TXNRD3: variants seen among roughly 807,000 people sequenced by gnomAD.
TXNRD3 encodes TXNRD3 neighbor gene protein.
A neutral mutation model predicts 78.2 loss-of-function variants in TXNRD3; 68 were observed. The ratio of observed to expected loss-of-function variants is 0.87; its 90% CI spans 0.72 to 1.06. The LOEUF (loss-of-function observed/expected upper bound fraction) is 1.06. Among genes scored for constraint, TXNRD3 ranks in the 50% least tolerant of loss-of-function variants. TXNRD3 has a pLI of 0.00. For missense variants in TXNRD3, 751 were observed against 809.5 expected (o/e 0.93, Z 0.88); for synonymous variants, 296 against 300.1 (o/e 0.99, Z 0.14).
At chr3:126,649,643 A>T (rs1017240550) in intron 1 of TXNRD3, among the ~76,000 whole-genome samples, 2 of 152,278 alleles carry the variant, frequency 1.3e-5, no homozygotes, top group Non-Finnish European at 2.9e-5. Flanking sequence ...ATATACATAC[A>T]GTGGAATATG....
chr3:126,651,536 C>T (rs554011704), intron 1 of TXNRD3, among the ~76,000 whole-genome samples: 2 of 152,266 alleles, frequency 1.3e-5, no homozygotes, highest in South Asian at 4.1e-4. Context: ...GATAATTCAC[C>T]CTACATTATG....
At chr3:126,644,454 T>A in intron 3 of TXNRD3, 53 bp from the exon 4 acceptor site, 1 of 1,251,922 alleles carries the variant, frequency 8.0e-7, no homozygotes, top group Non-Finnish European at 1.1e-6. Context: ...GTTTTACAGC[T>A]ATTTATGTAC....
chr3:126,617,603 A>G (rs1938346827), intron 12 of TXNRD3, among the ~76,000 whole-genome samples: 1 of 152,224 alleles, frequency 6.6e-6, no homozygotes. Flanking sequence ...AAATTCAGAA[A>G]GTGGGACATT....
At chr3:126,650,703 G>T (rs550322750) in intron 1 of TXNRD3, among the ~76,000 whole-genome samples, 1 of 151,238 alleles carries the variant, frequency 6.6e-6, no homozygotes, top group East Asian at 1.9e-4. Flanking sequence ...ATTTTCCAAT[G>T]AATCTTCCTG....
At chr3:126,630,527 G>A (rs1938683091) in intron 9 of TXNRD3, among the ~76,000 whole-genome samples, 185 bp downstream of exon 9, 1 of 152,148 alleles carries the variant, frequency 6.6e-6, no homozygotes, top group Non-Finnish European at 1.5e-5. Flanking sequence ...TCTGAGAAGA[G>A]CAAGGACACC....
chr3:126,608,121 G>T, intron 15 of TXNRD3, 148 bp from the exon 16 acceptor site: 1 of 605,320 alleles, frequency 1.7e-6, no homozygotes, highest in Non-Finnish European at 2.6e-6. Context: ...AGTACTTTGG[G>T]AGGCTGAGGC....
At position 126,655,013 on chromosome 3, in the gene TXNRD3, C is replaced by T; in HGVS notation, c.-23G>A. 1 of 1,294,202 alleles carries T rather than the reference C, an allele frequency of 7.7e-7. No homozygotes were observed. Among genetic ancestry groups the T allele is most frequent in the Non-Finnish European group, 9.8e-7 (1 of 1,023,298 alleles). The allele number at this position is 1,294,202 out of a possible 1,614,324, so 80.2% of individuals were successfully genotyped here. On this transcript the variant is annotated 5_prime_UTR_variant, in exon 1 of 16. Transcript: ENST00000524230. ...CAGAGTCTCGCTCTCGCTCCTGGCC[C>T]GGCCGGGCCTGCTCACAAACCGAAA... is the stretch of plus-strand genomic sequence containing the variant.
intron 10 of TXNRD3, among the ~76,000 whole-genome samples, chr3:126,627,339 G>C (rs953190682): frequency 6.6e-6 from 1 of 152,174 alleles, no homozygotes; most frequent in African/African-American, 2.4e-5. Flanking sequence ...ATGAGATTTA[G>C]AGGCAAACCA....
chr3:126,643,612 T>C (rs997639657), intron 5 of TXNRD3, among the ~76,000 whole-genome samples: 1 of 152,242 alleles, frequency 6.6e-6, no homozygotes, highest in Non-Finnish European at 1.5e-5. Context: ...ACTGTGGTCA[T>C]GGAATTTTTT....
chr3:126,611,137 A>G lies in TXNRD3; in HGVS notation c.1633-5T>C. On this transcript the variant is annotated splice_region_variant and splice_polypyrimidine_tract_variant and intron_variant, in intron 13 of 15. Coordinates refer to ENST00000524230, the MANE Select transcript of TXNRD3 (RefSeq NM_052883.3). Reference sequence around the variant, plus strand: ...CCAGAACAAAGTATGATATATCTGGAAGATAAAAGAGAGAAAAAGGGCAGA... The same window carrying G: ...CCAGAACAAAGTATGATATATCTGGGAGATAAAAGAGAGAAAAAGGGCAGA... 2 of 1,501,734 alleles carry G rather than the reference A, an allele frequency of 1.3e-6. No homozygotes were observed. The highest frequency in any genetic ancestry group is 1.8e-6 in the Non-Finnish European group (2 of 1,127,730). The allele number at this position is 1,501,734 out of a possible 1,614,324, so 93.0% of individuals were successfully genotyped here.
intron 6 of TXNRD3, among the ~76,000 whole-genome samples, chr3:126,637,798 T>A (rs1419994902): frequency 6.6e-6 from 1 of 152,018 alleles, no homozygotes; most frequent in African/African-American, 2.4e-5. Flanking sequence ...TGCTTCCCTT[T>A]CTATTTTTTC....
Position 126,621,859 on chromosome 3 carries a change from A to T in TXNRD3, c.1407T>A (p.Asn469Lys). The change falls in exon 12 of 16, where the codon AAT (asparagine) becomes AAA (lysine). Residue 469 changes from asparagine (N) to lysine (K), a missense_variant. Coordinates refer to ENST00000524230, the MANE Select transcript of TXNRD3 (RefSeq NM_052883.3). ...CACCAACAGCATAGACATATGGCACATTGGTCTGTTCCACATCATTTACAG... is the reference window on the plus strand; with the variant it reads ...CACCAACAGCATAGACATATGGCACTTTGGTCTGTTCCACATCATTTACAG... 6.5e-7 allele frequency: 1 copy of T among 1,532,542 alleles called. No individual in the cohort carries two copies. The highest frequency in any genetic ancestry group is 8.7e-7 in the Non-Finnish European group (1 of 1,145,988). 94.9% of individuals were successfully genotyped at this position (1,532,542 alleles called of 1,614,324 possible).
At chr3:126,633,245 A>G (rs1363201923) in intron 7 of TXNRD3, among the ~76,000 whole-genome samples, 2 of 152,224 alleles carry the variant, frequency 1.3e-5, no homozygotes, top group Non-Finnish European at 2.9e-5. Flanking sequence ...AATGCTGAAA[A>G]TAAGCATTGA....
chr3:126,653,373 C>T (rs1933434594), intron 1 of TXNRD3, among the ~76,000 whole-genome samples: 1 of 152,086 alleles, frequency 6.6e-6, no homozygotes, highest in Admixed American at 6.5e-5. Context: ...CAACTAAAAA[C>T]CACTGCATAG....
Position 126,631,836 on chromosome 3 carries a change from T to C in TXNRD3, c.899A>G (p.Gln300Arg). ...CCTTTCACCCGTTGCTATGACAAAC[T>C]GTGCAGCAGTATAATAAGTCTCCTG... Residue 300 changes from glutamine (Q) to arginine (R), a missense_variant, in exon 8 of 16, where the codon CAG becomes CGG. By Grantham distance (43) the Gln-to-Arg change is conservative. Coordinates refer to ENST00000524230, the MANE Select transcript of TXNRD3 (RefSeq NM_052883.3). 1 of 1,536,058 alleles carries C rather than the reference T, an allele frequency of 6.5e-7. No homozygotes were observed. The highest frequency in any genetic ancestry group is 8.7e-7 in the Non-Finnish European group (1 of 1,146,812).
At position 126,630,719 on chromosome 3, in the gene TXNRD3, G is replaced by C. The variant is rs1390575062; in HGVS notation, c.1190C>G (p.Pro397Arg). The C allele has an allele frequency of 1.3e-6, 2 of 1,534,012 alleles. No homozygotes were observed. The highest frequency in any genetic ancestry group is 2.7e-5 in the African/African-American group (2 of 72,932). ...AATGCCATGCAGCCTTACCATCACAGGTATGAATTTCCGTAGGAACTTCAC... is the reference window on the plus strand; with the variant it reads ...AATGCCATGCAGCCTTACCATCACACGTATGAATTTCCGTAGGAACTTCAC... Residue 397 changes from proline (P) to arginine (R), a missense_variant, in exon 9 of 16, where the codon CCT (proline) becomes CGT (arginine). Physicochemically the swap from Pro to Arg is moderately radical, Grantham distance 103. Coordinates refer to ENST00000524230, the MANE Select transcript of TXNRD3 (RefSeq NM_052883.3).
intron 6 of TXNRD3, among the ~76,000 whole-genome samples, chr3:126,640,536 G>A (rs1049718189): frequency 6.6e-5 from 10 of 152,094 alleles, no homozygotes; most frequent in East Asian, 1.9e-4. Context: ...ACCTGGCTAC[G>A]GTCAGAACCA....
intron 2 of TXNRD3, among the ~76,000 whole-genome samples, chr3:126,646,440 C>A (rs1356784330): frequency 1.3e-5 from 2 of 152,158 alleles, no homozygotes; most frequent in Non-Finnish European, 2.9e-5. Flanking sequence ...CAAAGATAAA[C>A]CCTTCAAAAT....
At chr3:126,649,636 T>C (rs1006316627) in intron 1 of TXNRD3, among the ~76,000 whole-genome samples, 1 of 152,224 alleles carries the variant, frequency 6.6e-6, no homozygotes, top group Admixed American at 6.5e-5. Flanking sequence ...ATGTGTTATA[T>C]ACATACAGTG....
Sources: allele counts gnomAD v4.1 joint callset (sites outside exome capture counted in the v4.1 genomes callset), GRCh38; gene constraint gnomAD v4.1.1; transcripts MANE v1.5; gene names NCBI Gene and HGNC (gene_info 2026-07-23, HGNC 2026-07-21).